Variants in MTMR3 observed in about 807,000 individuals in gnomAD.
The protein encoded by MTMR3 is myotubularin related protein 3.
MTMR3 carries 32 observed loss-of-function variants against 132.4 expected under a neutral mutation model. The ratio of observed to expected loss-of-function variants is 0.24; its 90% CI spans 0.18 to 0.32. MTMR3 has a LOEUF of 0.32. Ranked by LOEUF, MTMR3 falls within the 10% of genes least tolerant of loss-of-function variation. The probability of loss-of-function intolerance (pLI) is 1.00; values close to 1 mark genes in which losing one functional copy is unlikely to be tolerated. For synonymous variants in MTMR3, 556 were observed against 550.3 expected (o/e 1.01, Z -0.14); for missense variants, 1,216 against 1,489.6 (o/e 0.82, Z 3.02).
chr22:29,931,300 T>C (rs2065638903), intron 1 of MTMR3, among the ~76,000 whole-genome samples: 1 of 152,218 alleles, frequency 6.6e-6, no homozygotes, highest in Admixed American at 6.5e-5. Context: ...TTCATGGTAC[T>C]GTTAATCATT....
chr22:30,018,221 G>A (rs2067649212), intron 16 of MTMR3, 149 bp downstream of exon 16: 3 of 847,094 alleles, frequency 3.5e-6, no homozygotes, highest in African/African-American at 1.8e-5. Flanking sequence ...GAAGTTATAG[G>A]GATTTCTGAG....
chr22:30,026,044 C>G lies in MTMR3; in HGVS notation c.*243C>G, dbSNP rs2067905008. ...AAAAAGGAAACTTTCCCTTGGTTGT[C>G]TTAATTTTTTTTTTTTTTGATGGAA... On this transcript the variant is annotated 3_prime_UTR_variant, in exon 20 of 20. Transcript: ENST00000401950. 3 of 434,078 alleles carry G rather than the reference C, an allele frequency of 6.9e-6. No homozygotes were observed. In the Admixed American group the frequency reaches 1.1e-4, roughly 16 times the overall value. The allele number at this position is 434,078 out of a possible 1,614,324, so 26.9% of individuals were successfully genotyped here.
chr22:30,018,150 A>G, intron 16 of MTMR3, 78 bp downstream of exon 16: 1 of 1,421,932 alleles, frequency 7.0e-7, no homozygotes, highest in Non-Finnish European at 9.3e-7. Context: ...AGGGATGGTC[A>G]GAGATCATGA....
intron 1 of MTMR3, among the ~76,000 whole-genome samples, chr22:29,939,574 A>G (rs1157030448): frequency 2.0e-5 from 3 of 152,232 alleles, no homozygotes; most frequent in Admixed American, 2.0e-4. Context: ...TTTTAGAGTC[A>G]CTAATGTTTT....
Position 30,009,244 on chromosome 22 carries a change from T to C in MTMR3, c.1121+115T>C, listed in dbSNP as rs749549212. On this transcript the variant is annotated intron_variant, in intron 12 of 19. Coordinates refer to ENST00000401950, the MANE Select transcript of MTMR3 (RefSeq NM_021090.4). ...AAAATTAATTTGGAGCAGTCTTTCCTTCTGTTTCTTGGTAATCTTCAGTTA... is the reference window on the plus strand; with the variant it reads ...AAAATTAATTTGGAGCAGTCTTTCCCTCTGTTTCTTGGTAATCTTCAGTTA... The C allele has an allele frequency of 1.1e-4, 76 of 718,826 alleles. No individual in the cohort carries two copies. In the Middle Eastern group the frequency reaches 0.012, roughly 112 times the overall value. 44.5% of individuals were successfully genotyped at this position (718,826 alleles called of 1,614,324 possible).
chr22:29,956,088 A>G (rs1315007625), intron 1 of MTMR3, among the ~76,000 whole-genome samples: 1 of 152,070 alleles, frequency 6.6e-6, no homozygotes, highest in Non-Finnish European at 1.5e-5. Flanking sequence ...TATTCTGAGC[A>G]ATCTTGTTCA....
chr22:29,987,692 A>G (rs945854351), intron 5 of MTMR3: 3 of 152,086 alleles, frequency 2.0e-5, no homozygotes, highest in African/African-American at 7.2e-5. Flanking sequence ...CCTTCTCTCT[A>G]TCTGCTGTTG....
intron 1 of MTMR3, among the ~76,000 whole-genome samples, chr22:29,903,826 A>G (rs1475849451): frequency 6.6e-6 from 1 of 152,200 alleles, no homozygotes; most frequent in Non-Finnish European, 1.5e-5. Context: ...CTGATGTTGA[A>G]TATTTAGAAA....
At chr22:30,021,846 C>G (rs946231589) in intron 17 of MTMR3, 183 bp from the exon 18 acceptor site, 2 of 600,270 alleles carry the variant, frequency 3.3e-6, no homozygotes, top group Non-Finnish European at 6.0e-6. Context: ...CCTCTCCCAG[C>G]TGAGCCCAGG....
rs1457741814 is a variant in MTMR3 at position 30,007,141 on chromosome 22, C to G, written c.699C>G (p.Ala233=). The G allele has an allele frequency of 1.2e-6, 2 of 1,613,934 alleles. No individual in the cohort carries two copies. The highest frequency in any genetic ancestry group is 1.1e-5 in the South Asian group (1 of 91,072). The change falls in exon 10 of 20, where the codon GCC becomes GCG. Residue 233 remains alanine, a synonymous_variant. Transcript: ENST00000401950. ...YRHQSNGAVI[A]RCGQPEVSWW... ...ACCAGAGCAATGGAGCTGTCATTGC[C>G]CGCTGTGGACAGCCAGAGGTTAGCT...
rs1382747643 is a variant in MTMR3 at position 30,029,925 on chromosome 22, A to C, written c.*4124A>C. On this transcript the variant is annotated 3_prime_UTR_variant, in exon 20 of 20. Coordinates refer to ENST00000401950, the MANE Select transcript of MTMR3 (RefSeq NM_021090.4). ...AAGGGCAGGACCAGATATGTGAGAG[A>C]CTTCTAGTTCAGAGCTGACCCCTCT... The C allele has an allele frequency of 2.0e-5, 3 of 152,328 alleles. No homozygotes were observed. Among genetic ancestry groups the C allele is most frequent in the African/African-American group, 7.2e-5 (3 of 41,448 alleles). 9.4% of individuals were successfully genotyped at this position (152,328 alleles called of 1,614,324 possible).
intron 3 of MTMR3, 124 bp from the exon 4 acceptor site, chr22:29,978,317 GC>G (rs1321655399): frequency 1.6e-6 from 1 of 632,306 alleles, no homozygotes; most frequent in African/African-American, 1.8e-5. Flanking sequence ...GTTTCCTTGA[GC>G]TTTTCTGCCT....
intron 1 of MTMR3, among the ~76,000 whole-genome samples, chr22:29,947,793 A>G (rs1044626888): frequency 1.3e-5 from 2 of 152,160 alleles, no homozygotes; most frequent in African/African-American, 2.4e-5. Context: ...AGTCACATGT[A>G]TTCCTCTAGT....
chr22:29,983,474 C>T (rs1362733763), intron 5 of MTMR3: 1 of 152,058 alleles, frequency 6.6e-6, no homozygotes, highest in Admixed American at 6.5e-5. Flanking sequence ...AGCCACCACA[C>T]CCTGCTGCGA....
intron 17 of MTMR3, chr22:30,021,107 G>A (rs954498823): frequency 2.8e-5 from 16 of 575,224 alleles, no homozygotes; most frequent in African/African-American, 5.6e-5. Flanking sequence ...TGTTGAGGCC[G>A]TTGGAGAGGA....
chr22:29,910,129 A>G (rs756112545), intron 1 of MTMR3, among the ~76,000 whole-genome samples: 23 of 145,830 alleles, frequency 1.6e-4, no homozygotes, highest in Non-Finnish European at 3.3e-4. Flanking sequence ...GTGCCACTGC[A>G]CTCCAGCCTG....
chr22:29,942,048 G>A (rs527989526), intron 1 of MTMR3, among the ~76,000 whole-genome samples: 22 of 152,108 alleles, frequency 1.4e-4, no homozygotes, highest in Non-Finnish European at 3.1e-4. Context: ...TTTTGGATAT[G>A]TTGACCCTTC....
intron 1 of MTMR3, among the ~76,000 whole-genome samples, chr22:29,948,861 T>TTGG (rs2066000970): frequency 6.6e-6 from 1 of 150,676 alleles, no homozygotes; most frequent in Admixed American, 6.6e-5. Flanking sequence ...TTCCAACACT[T>TTGG]TGGGAGGCTG....
intron 5 of MTMR3, chr22:29,986,514 CCTT>C: frequency 8.1e-6 from 6 of 743,780 alleles, no homozygotes; most frequent in Non-Finnish European, 8.1e-6. Context: ...TTTTTTTTTT[CCTT>C]CTTAGATGCA....
Sources: gnomAD v4.1 joint callset for allele counts (sites outside exome capture counted in the v4.1 genomes callset) on GRCh38, gnomAD v4.1.1 for gene constraint, MANE v1.5 for transcripts, NCBI Gene and HGNC (gene_info 2026-07-23, HGNC 2026-07-21) for gene names.